Variants in PCDH9 observed in about 807,000 individuals in gnomAD.
PCDH9 encodes the protein protocadherin-9.
PCDH9 carries 24 observed loss-of-function variants against 70.6 expected under a neutral mutation model. The ratio of observed to expected loss-of-function variants is 0.34; its 90% CI spans 0.25 to 0.48. The LOEUF (loss-of-function observed/expected upper bound fraction) is 0.48. Among genes scored for constraint, PCDH9 ranks in the 20% least tolerant of loss-of-function variants. The pLI, the probability that PCDH9 is intolerant of heterozygous loss-of-function variation, is 0.99. For synonymous variants in PCDH9, 562 were observed against 558.5 expected, an observed-to-expected ratio of 1.01 and a Z score of -0.09; for missense variants, 1,281 against 1,503.6, an observed-to-expected ratio of 0.85 and a Z score of 2.45.
At chr13:66,824,698 GCACACACACATATATATATA>G (rs2080785299) in intron 3 of PCDH9, among the ~76,000 whole-genome samples, 91 of 65,390 alleles carry the variant, frequency 1.4e-3, no homozygotes, top group African/African-American at 5.4e-3. Context: ...ATATATATAT[GCACACACACATATATATATA>G]CACACACACA....
chr13:66,760,809 G>C (rs1217216580), intron 3 of PCDH9, among the ~76,000 whole-genome samples: 2 of 152,086 alleles, frequency 1.3e-5, no homozygotes, highest in African/African-American at 4.8e-5. Context: ...TGCATTCCCA[G>C]GGGGAGGTCT....
intron 2 of PCDH9, among the ~76,000 whole-genome samples, chr13:66,958,178 T>C (rs928115562): frequency 6.6e-6 from 1 of 152,130 alleles, no homozygotes; most frequent in Non-Finnish European, 1.5e-5. Flanking sequence ...GAGCGTACAA[T>C]ATGGTTGTAG....
intron 3 of PCDH9, among the ~76,000 whole-genome samples, chr13:66,736,335 C>A (rs1395176732): frequency 6.6e-6 from 1 of 152,072 alleles, no homozygotes; most frequent in Non-Finnish European, 1.5e-5. Flanking sequence ...TGTAGATAGA[C>A]CCAGCTTGGT....
Position 66,751,933 on chromosome 13 carries a change from T to A in PCDH9, c.3139-120522A>T, listed in dbSNP as rs143950083. 5.4e-3 allele frequency among the ~76,000 whole-genome samples: 815 copies of A among 152,216 alleles called. 8 individuals carry two copies. Among genetic ancestry groups the A allele is most frequent in the African/African-American group, 0.019 (776 of 41,518 alleles). ...GGTTTAGTGCTGGTAACAAGAAACA[T>A]GTAAATGAATAAACAAAAATGTGAA... On this transcript the variant is annotated intron_variant, in intron 3 of 4. Transcript: ENST00000377865.
At chr13:66,451,155 T>A (rs1958200657) in intron 4 of PCDH9, among the ~76,000 whole-genome samples, 1 of 152,228 alleles carries the variant, frequency 6.6e-6, no homozygotes, top group Admixed American at 6.5e-5. Flanking sequence ...ACTTAAAGTA[T>A]AATTGAAAAA....
chr13:66,505,659 C>G (rs972139313), intron 4 of PCDH9, among the ~76,000 whole-genome samples: 6 of 151,736 alleles, frequency 4.0e-5, no homozygotes, highest in Admixed American at 6.6e-5. Flanking sequence ...AGGGGAACTC[C>G]CCTTTATAAA....
At chr13:66,317,018 C>T (rs573756005) in intron 4 of PCDH9, among the ~76,000 whole-genome samples, 7 of 152,200 alleles carry the variant, frequency 4.6e-5, no homozygotes, top group African/African-American at 9.6e-5. Context: ...CCACTGTGCC[C>T]GGCCCGCTAG....
intron 3 of PCDH9, among the ~76,000 whole-genome samples, chr13:66,726,031 A>G (rs1026501680): frequency 3.0e-4 from 46 of 152,320 alleles, no homozygotes; most frequent in Non-Finnish European, 6.3e-4. Context: ...ATGACAGGGA[A>G]TAATGCTTCA....
chr13:66,833,735 T>G (rs1294150416), intron 3 of PCDH9, among the ~76,000 whole-genome samples: 1 of 152,180 alleles, frequency 6.6e-6, no homozygotes, highest in Non-Finnish European at 1.5e-5. Context: ...AGAAAAAAAA[T>G]CAAATGTTTG....
At chr13:66,401,230 C>T (rs886437273) in intron 4 of PCDH9, among the ~76,000 whole-genome samples, 5 of 152,060 alleles carry the variant, frequency 3.3e-5, no homozygotes, top group African/African-American at 9.7e-5. Context: ...TTGTAATCCC[C>T]ATGTGTTGGG....
chr13:66,815,784 G>T (rs2080592573), intron 3 of PCDH9, among the ~76,000 whole-genome samples: 6 of 152,088 alleles, frequency 3.9e-5, no homozygotes, highest in Admixed American at 3.9e-4. Context: ...AGAGAAGGGT[G>T]AGGATCGAAA....
At chr13:66,644,156 T>G (rs945916923) in intron 3 of PCDH9, among the ~76,000 whole-genome samples, 1 of 151,924 alleles carries the variant, frequency 6.6e-6, no homozygotes, top group Non-Finnish European at 1.5e-5. Context: ...CAACAATTGC[T>G]TAAACATGTG....
At chr13:66,852,657 G>A (rs2081333108) in intron 3 of PCDH9, among the ~76,000 whole-genome samples, 1 of 152,062 alleles carries the variant, frequency 6.6e-6, no homozygotes, top group Non-Finnish European at 1.5e-5. Context: ...CTTGTTCCTG[G>A]CCTCTCTGAA....
chr13:66,678,707 A>G (rs1180846946), intron 3 of PCDH9, among the ~76,000 whole-genome samples: 1 of 151,996 alleles, frequency 6.6e-6, no homozygotes, highest in Admixed American at 6.6e-5. Context: ...AATCTTGGCA[A>G]ACTTGCTAAA....
At chr13:66,646,038 A>G (rs2077766971) in intron 3 of PCDH9, among the ~76,000 whole-genome samples, 1 of 152,178 alleles carries the variant, frequency 6.6e-6, no homozygotes, top group South Asian at 2.1e-4. Context: ...AACTCTACAA[A>G]AGCCGCCTCT....
chr13:66,665,355 C>T (rs533304350), intron 3 of PCDH9, among the ~76,000 whole-genome samples: 2 of 152,222 alleles, frequency 1.3e-5, no homozygotes, highest in African/African-American at 4.8e-5. Context: ...GCCTCGGCCT[C>T]CCAAAGTGCT....
At chr13:67,132,240 G>A (rs924659917) in intron 2 of PCDH9, among the ~76,000 whole-genome samples, 7 of 152,136 alleles carry the variant, frequency 4.6e-5, no homozygotes, top group African/African-American at 1.7e-4. Context: ...ATTTCTTCCC[G>A]ATTAGCAGTT....
At chr13:66,393,188 T>C (rs1957047593) in intron 4 of PCDH9, among the ~76,000 whole-genome samples, 1 of 152,170 alleles carries the variant, frequency 6.6e-6, no homozygotes, top group Non-Finnish European at 1.5e-5. Context: ...TAAAAAAGTG[T>C]GCATTCTTCT....
intron 2 of PCDH9, among the ~76,000 whole-genome samples, chr13:67,126,347 T>A (rs575919119): frequency 9.9e-4 from 150 of 152,256 alleles, no homozygotes; most frequent in African/African-American, 3.4e-3. Flanking sequence ...AAACATATGG[T>A]TTTTTTAAAG....
Sources: allele counts gnomAD v4.1 joint callset (sites outside exome capture counted in the v4.1 genomes callset), GRCh38; gene constraint gnomAD v4.1.1; transcripts MANE v1.5; gene names NCBI Gene and HGNC (gene_info 2026-07-23, HGNC 2026-07-21).